Variants in TBC1D32 observed in about 807,000 individuals in gnomAD.
TBC1D32 encodes the protein TBC1 domain family member 32.
A neutral mutation model predicts 170.3 loss-of-function variants in TBC1D32; 151 were observed. That is an observed-to-expected ratio of 0.89 (90% CI 0.78 to 1.01). The LOEUF (loss-of-function observed/expected upper bound fraction) is 1.01, where lower values mean the gene tolerates loss of function less well. Among genes scored for constraint, TBC1D32 ranks in the 50% least tolerant of loss-of-function variants. The pLI is 0.00. For missense variants in TBC1D32, 1,464 were observed against 1,457.1 expected, an observed-to-expected ratio of 1.00 and a Z score of -0.08; for synonymous variants, 498 against 488.0, an observed-to-expected ratio of 1.02 and a Z score of -0.27.
At chr6:121,310,193 T>A (rs991192141) in intron 4 of TBC1D32, among the ~76,000 whole-genome samples, 2 of 152,090 alleles carry the variant, frequency 1.3e-5, no homozygotes, top group South Asian at 4.1e-4. Context: ...GATGACATGA[T>A]GACTATGTTA....
rs1792073521 is a variant in TBC1D32, at chr6:121,205,127, C to T, written c.2518G>A (p.Ala840Thr). Residue 840 changes from alanine to threonine, a missense_variant, in exon 22 of 32, where the codon GCT (alanine) becomes ACT (threonine). Around this residue, in one of 3 missense-constraint regions of TBC1D32, gnomAD observed 1,363 missense variants for 1,338.1 expected, o/e 1.02. Coordinates refer to ENST00000398212, the MANE Select transcript of TBC1D32 (RefSeq NM_152730.6). ...IDRLIILNSE[A>T]KIRSLFNYEQ... ...TAGTTGAATAAAGAACGAATCTTAG[C>T]TTCAGAATTCAAAATTATAAGTCTA... The T allele has an allele frequency of 6.5e-7, 1 of 1,534,064 alleles. No homozygotes were observed. The highest frequency in any genetic ancestry group is 8.9e-7 in the Non-Finnish European group (1 of 1,129,870).
chr6:121,303,225 T>C (rs547957455), intron 9 of TBC1D32, among the ~76,000 whole-genome samples: 1 of 151,996 alleles, frequency 6.6e-6, no homozygotes, highest in South Asian at 2.1e-4. Context: ...TTCAGAAATA[T>C]CTCCTAAGCC....
intron 22 of TBC1D32, among the ~76,000 whole-genome samples, chr6:121,190,254 C>A (rs1789808178): frequency 6.7e-6 from 1 of 149,862 alleles, no homozygotes; most frequent in Non-Finnish European, 1.5e-5. Context: ...TCCCTCCTTC[C>A]CCCTCCACCT....
chr6:121,308,686 C>CTTTTTTTTTTT lies in TBC1D32; in HGVS notation c.565-596_565-586dup, dbSNP rs67847088. Among the ~76,000 whole-genome samples, 68 of 112,530 alleles carry CTTTTTTTTTTT rather than the reference C, an allele frequency of 6.0e-4. 7 individuals are homozygous for CTTTTTTTTTTT. Among genetic ancestry groups the CTTTTTTTTTTT allele is most frequent in the East Asian group, 9.2e-4 (3 of 3,258 alleles). The allele number at this position is 112,530 out of a possible 152,430, so 73.8% of individuals were successfully genotyped here. Reference sequence around the variant, plus strand: ...CTGTATTTTCACAGAAAGCTTACTTCTTTTTTTTTTTTTTTTTTTTGAGAC... The same window carrying CTTTTTTTTTTT: ...CTGTATTTTCACAGAAAGCTTACTTCTTTTTTTTTTTTTTTTTTTTTTTTTTTTTTTGAGAC... On this transcript the variant is annotated intron_variant, in intron 4 of 31. Transcript: ENST00000398212.
chr6:121,208,975 T>C (rs764040367), intron 21 of TBC1D32, among the ~76,000 whole-genome samples: 1 of 152,040 alleles, frequency 6.6e-6, no homozygotes, highest in African/African-American at 2.4e-5. Flanking sequence ...GCCCCTCCTA[T>C]GGGGAATGGA....
At chr6:121,122,292 C>T (rs1562552750) in intron 26 of TBC1D32, among the ~76,000 whole-genome samples, 3 of 152,082 alleles carry the variant, frequency 2.0e-5, no homozygotes, top group South Asian at 2.1e-4. Context: ...CTGCTTCAGT[C>T]GTTTCTCTTC....
At chr6:121,299,410 T>C (rs750496430) in intron 10 of TBC1D32, 36 bp downstream of exon 10, 2 of 1,466,546 alleles carry the variant, frequency 1.4e-6, no homozygotes, top group South Asian at 1.2e-5. Flanking sequence ...TCTGGTGATA[T>C]TATTTCTCAA....
chr6:121,300,166 G>A (rs371887831), intron 9 of TBC1D32, among the ~76,000 whole-genome samples: 99 of 152,132 alleles, frequency 6.5e-4, no homozygotes, highest in South Asian at 1.9e-3. Flanking sequence ...AATATTGGCC[G>A]GGCACAGTGG....
At position 121,080,433 on chromosome 6, in the gene TBC1D32, C is replaced by G; in HGVS notation, c.*338G>C. On this transcript the variant is annotated 3_prime_UTR_variant, in exon 32 of 32. Coordinates refer to ENST00000398212, the MANE Select transcript of TBC1D32 (RefSeq NM_152730.6). ...GTTTCACCATTTTGGCCAGGATGGT[C>G]TCGATCTCTTGACCTCGTGATCCGC... is the stretch of plus-strand genomic sequence containing the variant. 1 of 253,070 alleles carries G rather than the reference C, an allele frequency of 4.0e-6. No homozygotes were observed. The highest frequency in any genetic ancestry group is 3.9e-5 in the South Asian group (1 of 25,712). The allele number at this position is 253,070 out of a possible 1,614,324, so 15.7% of individuals were successfully genotyped here.
intron 20 of TBC1D32, chr6:121,237,055 CATT>C (rs1205237556): frequency 6.6e-6 from 1 of 152,044 alleles, no homozygotes; most frequent in African/African-American, 2.4e-5. Flanking sequence ...TTTTCTTCAT[CATT>C]ATTTGAAAGG....
At chr6:121,277,877 A>AG (rs1481907832) in intron 15 of TBC1D32, among the ~76,000 whole-genome samples, 1 of 151,824 alleles carries the variant, frequency 6.6e-6, no homozygotes, top group Non-Finnish European at 1.5e-5. Flanking sequence ...AGGTTAACTA[A>AG]GAAAAAAAAA....
intron 17 of TBC1D32, among the ~76,000 whole-genome samples, chr6:121,245,971 C>A (rs888123470): frequency 2.0e-5 from 3 of 152,130 alleles, no homozygotes; most frequent in African/African-American, 7.2e-5. Flanking sequence ...AGAGCTCCCC[C>A]AGTCACCACC....
intron 20 of TBC1D32, among the ~76,000 whole-genome samples, chr6:121,231,497 G>A (rs1373017571): frequency 2.6e-5 from 4 of 152,184 alleles, no homozygotes; most frequent in African/African-American, 7.2e-5. Flanking sequence ...GAATCTCCAC[G>A]CTGTTTCCCA....
intron 31 of TBC1D32, among the ~76,000 whole-genome samples, chr6:121,083,307 A>G (rs911605433): frequency 1.3e-5 from 2 of 152,046 alleles, no homozygotes; most frequent in Non-Finnish European, 2.9e-5. Flanking sequence ...TTTTTTTAAT[A>G]GATTACTACT....
At chr6:121,236,682 T>C (rs941360967) in intron 20 of TBC1D32, among the ~76,000 whole-genome samples, 1 of 152,060 alleles carries the variant, frequency 6.6e-6, no homozygotes, top group Non-Finnish European at 1.5e-5. Flanking sequence ...TATTGCAAAG[T>C]CAAACAAATT....
chr6:121,137,764 T>C (rs1782294563), intron 24 of TBC1D32, among the ~76,000 whole-genome samples: 1 of 151,862 alleles, frequency 6.6e-6, no homozygotes, highest in Non-Finnish European at 1.5e-5. Flanking sequence ...AACTTCTGTA[T>C]AGTTCTTTCA....
At chr6:121,151,630 G>T (rs1784225343) in intron 24 of TBC1D32, among the ~76,000 whole-genome samples, 1 of 152,158 alleles carries the variant, frequency 6.6e-6, no homozygotes, top group Admixed American at 6.5e-5. Context: ...TATTGTGTGT[G>T]AGTCTAAGTC....
At chr6:121,178,243 A>G (rs750207579) in intron 22 of TBC1D32, among the ~76,000 whole-genome samples, 9 of 152,072 alleles carry the variant, frequency 5.9e-5, no homozygotes, top group Admixed American at 1.3e-4. Flanking sequence ...TTGGGTGGGG[A>G]CAGAGAGCCA....
At chr6:121,329,729 A>AT (rs1190785524) in intron 1 of TBC1D32, among the ~76,000 whole-genome samples, 3 of 152,074 alleles carry the variant, frequency 2.0e-5, no homozygotes, top group Non-Finnish European at 4.4e-5. Flanking sequence ...ATTATCACTA[A>AT]TTTTTTAAAA....
Sources: allele counts gnomAD v4.1 joint callset (sites outside exome capture counted in the v4.1 genomes callset), GRCh38; gene constraint gnomAD v4.1.1; regional missense constraint gnomAD v4.1.1; transcripts MANE v1.5; gene names NCBI Gene and HGNC (gene_info 2026-07-23, HGNC 2026-07-21).